Variants in BNC2 observed in about 807,000 individuals in gnomAD.
BNC2 encodes the protein basonuclin zinc finger protein 2.
Under a neutral mutation model 76.3 loss-of-function variants are expected in BNC2, and 20 were observed. That is an observed-to-expected ratio of 0.26 (90% confidence interval 0.18 to 0.38). The LOEUF (loss-of-function observed/expected upper bound fraction) is 0.38, where lower values mean the gene tolerates loss of function less well. Among genes scored for constraint, BNC2 ranks in the 10% least tolerant of loss-of-function variants. The pLI is 1.00. For missense variants in BNC2, 1,382 were observed against 1,399.8 expected, an observed-to-expected ratio of 0.99 and a Z score of 0.20; for synonymous variants, 582 against 514.8, an observed-to-expected ratio of 1.13 and a Z score of -1.77.
At chr9:16,587,105 T>C (rs1235011758) in intron 3 of BNC2, among the ~76,000 whole-genome samples, 3 of 152,114 alleles carry the variant, frequency 2.0e-5, no homozygotes, top group Non-Finnish European at 2.9e-5. Flanking sequence ...GAAACTAAGG[T>C]AGAGATAATT....
intron 1 of BNC2, among the ~76,000 whole-genome samples, chr9:16,775,282 A>C (rs1414822091): frequency 1.3e-5 from 2 of 152,154 alleles, no homozygotes; most frequent in Admixed American, 6.6e-5. Flanking sequence ...AAGTAAATGA[A>C]GAATGTCCCC....
intron 5 of BNC2, among the ~76,000 whole-genome samples, chr9:16,456,925 C>CA (rs1821463965): frequency 6.6e-6 from 1 of 152,046 alleles, no homozygotes; most frequent in Admixed American, 6.6e-5. Flanking sequence ...GTCACTTTAT[C>CA]AGTAAGAAGA....
intron 3 of BNC2, among the ~76,000 whole-genome samples, chr9:16,670,613 G>A (rs1399158357): frequency 6.6e-6 from 1 of 152,192 alleles, no homozygotes; most frequent in African/African-American, 2.4e-5. Flanking sequence ...AAAGGGAAAT[G>A]CGTTACCTAT....
intron 3 of BNC2, among the ~76,000 whole-genome samples, chr9:16,678,443 A>G (rs541280742): frequency 7.0e-4 from 106 of 150,386 alleles, no homozygotes; most frequent in Non-Finnish European, 1.9e-4. Flanking sequence ...AATTTTCTGT[A>G]TTTTTTTATT....
At chr9:16,496,980 A>G (rs1822404277) in intron 5 of BNC2, among the ~76,000 whole-genome samples, 1 of 152,242 alleles carries the variant, frequency 6.6e-6, no homozygotes, top group Non-Finnish European at 1.5e-5. Context: ...TCAACATGGC[A>G]TTAGATATGC....
At chr9:16,577,005 G>C (rs1315617434) in intron 4 of BNC2, among the ~76,000 whole-genome samples, 4 of 152,100 alleles carry the variant, frequency 2.6e-5, no homozygotes, top group Non-Finnish European at 5.9e-5. Context: ...CAAAGTGCTG[G>C]GATTACAGGC....
intron 3 of BNC2, among the ~76,000 whole-genome samples, chr9:16,681,835 G>A (rs1381845844): frequency 1.3e-5 from 2 of 152,106 alleles, no homozygotes; most frequent in Non-Finnish European, 1.5e-5. Flanking sequence ...GAATCCTTGC[G>A]GTTTAGTCAA....
chr9:16,436,812 T>C lies in BNC2; in HGVS notation c.1382A>G (p.Asn461Ser), dbSNP rs1563782786. 14 of 1,614,102 alleles carry C rather than the reference T, an allele frequency of 8.7e-6. No homozygotes were observed. The highest frequency in any genetic ancestry group is 4.5e-5 in the East Asian group (2 of 44,882). The part of the protein sequence containing the change: ...YDKGTLKIHY[N>S]AVHLKIKHRC... ...ATGTTTGATCTTCAGGTGAACAGCA[T>C]TGTAATGAATTTTGAGAGTACCTTT... Residue 461 changes from asparagine to serine, a missense_variant, in exon 6 of 7, where the codon AAT (asparagine) becomes AGT (serine). Physicochemically the swap from Asn to Ser is conservative, Grantham distance 46. Coordinates refer to ENST00000380672, the MANE Select transcript of BNC2 (RefSeq NM_017637.6).
chr9:16,464,215 T>TA (rs936354093), intron 5 of BNC2, among the ~76,000 whole-genome samples: 1 of 152,122 alleles, frequency 6.6e-6, no homozygotes, highest in African/African-American at 2.4e-5. Context: ...AAATAATTGT[T>TA]AAAAATGTAT....
rs111278165 is a variant in BNC2 at position 16,671,095 on chromosome 9, G to T, written c.330+56702C>A. Among the ~76,000 whole-genome samples the T allele has an allele frequency of 1.4e-3, 215 of 152,024 alleles. 4 individuals carry two copies. The highest frequency in any genetic ancestry group is 1.4e-3 in the Non-Finnish European group (98 of 68,020). On this transcript the variant is annotated intron_variant, in intron 3 of 6. Coordinates refer to ENST00000380672, the MANE Select transcript of BNC2 (RefSeq NM_017637.6). ...ATATTTCCTCAGAAGGCCTCAGAGA[G>T]AATGAGAACCCATCAGTTGTGGCAC...
chr9:16,561,238 CAAAA>C (rs113187232), intron 4 of BNC2, among the ~76,000 whole-genome samples: 1 of 120,902 alleles, frequency 8.3e-6, no homozygotes, highest in African/African-American at 2.9e-5. Flanking sequence ...AACTCCGCCT[CAAAA>C]AAAAAAAAAC....
At chr9:16,694,203 T>C (rs1032446812) in intron 3 of BNC2, among the ~76,000 whole-genome samples, 59 of 152,172 alleles carry the variant, frequency 3.9e-4, no homozygotes, top group African/African-American at 1.4e-3. Context: ...AAAAGGGTGA[T>C]TGAAAAACTT....
Position 16,418,697 on chromosome 9 carries a change from CAT to C in BNC2, c.*290_*291del, listed in dbSNP as rs139066305. ...GTGTGTGTGTGTGTGTGTGTATGTGCATGTGTGTGTGTGTGTGTTTAAAGGGG... is the reference window on the plus strand; with the variant it reads ...GTGTGTGTGTGTGTGTGTGTATGTGCGTGTGTGTGTGTGTGTTTAAAGGGG... On this transcript the variant is annotated 3_prime_UTR_variant, in exon 7 of 7. Transcript: ENST00000380672. The C allele has an allele frequency of 0.027, 8,879 of 323,122 alleles. 533 individuals carry two copies. Among genetic ancestry groups the C allele is most frequent in the African/African-American group, 0.17 (6,090 of 36,762 alleles). The allele number at this position is 323,122 out of a possible 1,614,324, so 20.0% of individuals were successfully genotyped here.
intron 1 of BNC2, among the ~76,000 whole-genome samples, chr9:16,844,264 G>A (rs533435619): frequency 1.2e-4 from 19 of 152,056 alleles, no homozygotes; most frequent in African/African-American, 4.6e-4. Flanking sequence ...GGGTATATCT[G>A]GGTTTGAGTT....
chr9:16,659,152 G>C (rs974996148), intron 3 of BNC2, among the ~76,000 whole-genome samples: 3 of 152,150 alleles, frequency 2.0e-5, no homozygotes, highest in African/African-American at 7.2e-5. Flanking sequence ...GATGGCGGGG[G>C]GGGGCATGTG....
chr9:16,582,961 G>T, intron 4 of BNC2, 22 bp downstream of exon 4: 1 of 1,560,728 alleles, frequency 6.4e-7, no homozygotes, highest in Non-Finnish European at 8.8e-7. Context: ...AGAACGGGAA[G>T]AAAAGCCCAG....
intron 1 of BNC2, among the ~76,000 whole-genome samples, chr9:16,845,328 A>G (rs1384245158): frequency 6.6e-6 from 1 of 152,220 alleles, no homozygotes; most frequent in Admixed American, 6.5e-5. Flanking sequence ...TTTTACAGTT[A>G]CAGTCCTCAG....
rs943229793 is a variant in BNC2 at position 16,410,586 on chromosome 9, T to G, written c.*8403A>C. ...ATAGTCTTATCAGGTTAAGATATAA[T>G]ACTAGAACATCTCATTCACTTAATT... On this transcript the variant is annotated 3_prime_UTR_variant, in exon 7 of 7. Transcript: ENST00000380672. 2 of 152,650 alleles carry G rather than the reference T, an allele frequency of 1.3e-5. No individual in the cohort carries two copies. Among genetic ancestry groups the G allele is most frequent in the Non-Finnish European group, 2.9e-5 (2 of 68,042 alleles). The allele number at this position is 152,650 out of a possible 1,614,324, so 9.5% of individuals were successfully genotyped here.
At chr9:16,496,188 C>A (rs923895140) in intron 5 of BNC2, among the ~76,000 whole-genome samples, 2 of 151,950 alleles carry the variant, frequency 1.3e-5, no homozygotes, top group Non-Finnish European at 2.9e-5. Flanking sequence ...GGATTACAAG[C>A]GTGAGCCACT....
Sources: gnomAD v4.1 joint callset for allele counts (sites outside exome capture counted in the v4.1 genomes callset) on GRCh38, gnomAD v4.1.1 for gene constraint, MANE v1.5 for transcripts, NCBI Gene and HGNC (gene_info 2026-07-23, HGNC 2026-07-21) for gene names.